ELF2: variants seen among roughly 807,000 people sequenced by gnomAD.
The protein encoded by ELF2 is E74 like ETS transcription factor 2.
ELF2 carries 11 observed loss-of-function variants against 54.8 expected under a neutral mutation model. The ratio of observed to expected loss-of-function variants is 0.20; its 90% CI spans 0.13 to 0.33. ELF2 has a LOEUF of 0.33. Among genes scored for constraint, ELF2 ranks in the 10% least tolerant of loss-of-function variants. The pLI is 1.00. For missense variants in ELF2, 513 were observed against 703.0 expected (o/e 0.73, Z 3.06); for synonymous variants, 203 against 245.1 (o/e 0.83, Z 1.61).
intron 7 of ELF2, among the ~76,000 whole-genome samples, chr4:139,062,836 T>C (rs1356553302): frequency 6.6e-6 from 1 of 152,222 alleles, no homozygotes; most frequent in Non-Finnish European, 1.5e-5. Flanking sequence ...TTACTTTTCT[T>C]TGATTCACCT....
At chr4:139,136,918 G>A (rs1738233289) in intron 3 of ELF2, 1 of 152,140 alleles carries the variant, frequency 6.6e-6, no homozygotes, top group Non-Finnish European at 1.5e-5. Context: ...GCCCACCTGG[G>A]CCTCCCAAAG....
chr4:139,076,891 G>A (rs914542437), intron 4 of ELF2, among the ~76,000 whole-genome samples: 2 of 151,812 alleles, frequency 1.3e-5, no homozygotes, highest in Non-Finnish European at 2.9e-5. Flanking sequence ...TTATATCTCA[G>A]AAATATTTTA....
chr4:139,127,810 C>T (rs188682413), intron 3 of ELF2, among the ~76,000 whole-genome samples: 16 of 151,946 alleles, frequency 1.1e-4, no homozygotes, highest in Admixed American at 2.0e-4. Context: ...ACTAAAAATA[C>T]GAAAATTAGC....
intron 1 of ELF2, among the ~76,000 whole-genome samples, chr4:139,143,630 C>CA (rs758074917): frequency 1.8e-4 from 28 of 152,122 alleles, no homozygotes; most frequent in Non-Finnish European, 3.5e-4. Context: ...ACTAAAAATA[C>CA]AAAAAATAGC....
intron 3 of ELF2, among the ~76,000 whole-genome samples, chr4:139,126,433 T>G (rs887202815): frequency 2.6e-5 from 4 of 151,606 alleles, no homozygotes; most frequent in African/African-American, 9.7e-5. Context: ...TCAATAAAAT[T>G]TTCTAAGACT....
chr4:139,165,667 A>T (rs7687081), intron 1 of ELF2, among the ~76,000 whole-genome samples: 14,158 of 152,184 alleles, frequency 0.093, 935 homozygotes, highest in African/African-American at 0.19. Context: ...CGTCTTAAAA[A>T]AATAAAAAAT....
At chr4:139,076,311 T>C (rs2148708351) in intron 4 of ELF2, among the ~76,000 whole-genome samples, 1 of 152,294 alleles carries the variant, frequency 6.6e-6, no homozygotes, top group South Asian at 2.1e-4. Context: ...GCAGCTTCAC[T>C]GAAGCAAAGG....
intron 4 of ELF2, among the ~76,000 whole-genome samples, chr4:139,118,699 A>G (rs181494683): frequency 6.0e-4 from 91 of 151,540 alleles, no homozygotes; most frequent in Admixed American, 4.3e-3. Flanking sequence ...TTTTTTTTTA[A>G]GTGGAAGCAA....
chr4:139,130,986 G>GA (rs1424292112), intron 3 of ELF2, among the ~76,000 whole-genome samples: 6 of 152,150 alleles, frequency 3.9e-5, no homozygotes, highest in African/African-American at 1.4e-4. Context: ...GGAGAAAGGG[G>GA]ATGGAAGAGA....
chr4:139,081,473 T>C (rs1194299227), intron 4 of ELF2, among the ~76,000 whole-genome samples: 1 of 152,208 alleles, frequency 6.6e-6, no homozygotes, highest in Non-Finnish European at 1.5e-5. Context: ...AGAAGTTGTA[T>C]AAATATCATT....
chr4:139,082,617 G>T (rs1471489805), intron 4 of ELF2, among the ~76,000 whole-genome samples: 1 of 152,160 alleles, frequency 6.6e-6, no homozygotes, highest in Non-Finnish European at 1.5e-5. Flanking sequence ...ATGTGTTCAT[G>T]ATTTCCCCCA....
rs1316740402 is a variant in ELF2 at position 139,132,875 on chromosome 4, A to T, written c.72+4755T>A. On this transcript the variant is annotated intron_variant, in intron 3 of 9. Coordinates refer to ENST00000686138, the MANE Select transcript of ELF2 (RefSeq NM_001331036.3). ...ATATATATATATATATATATATATA[A>T]AATATGTAATTTTTTTTTTTGGTGG... Among the ~76,000 whole-genome samples the T allele has an allele frequency of 1.4e-4, 17 of 123,676 alleles. No homozygotes were observed. The East Asian group carries it at 4.0e-3, about 29-fold the overall frequency. 81.1% of individuals were successfully genotyped at this position (123,676 alleles called of 152,430 possible).
chr4:139,090,689 G>A (rs371329773), intron 4 of ELF2, among the ~76,000 whole-genome samples: 5 of 152,104 alleles, frequency 3.3e-5, no homozygotes, highest in African/African-American at 1.2e-4. Flanking sequence ...CCGCCTCCCA[G>A]GCTCAAACGA....
rs2148654039 is a variant in ELF2 at position 139,058,334 on chromosome 4, G to A, written c.*649C>T. 6.6e-6 allele frequency: 1 copy of A among 150,524 alleles called. No individual in the cohort carries two copies. Among genetic ancestry groups the A allele is most frequent in the South Asian group, 2.1e-4 (1 of 4,784 alleles). 9.3% of individuals were successfully genotyped at this position (150,524 alleles called of 1,614,324 possible). A position where few individuals can be genotyped will look rare whatever the true frequency, so the allele number is the denominator to read the frequency against. ...CAAACAAGCCATTAGCTTATTTCAA[G>A]AAAGAAAATCGAAAATTAGTCTAAG... On this transcript the variant is annotated 3_prime_UTR_variant, in exon 10 of 10. Coordinates refer to ENST00000686138, the MANE Select transcript of ELF2 (RefSeq NM_001331036.3).
intron 4 of ELF2, among the ~76,000 whole-genome samples, chr4:139,083,007 ACATT>A (rs1731351259): frequency 6.6e-6 from 1 of 152,092 alleles, no homozygotes; most frequent in African/African-American, 2.4e-5. Flanking sequence ...TTCCATGCGT[ACATT>A]GTCAGCTTCA....
intron 4 of ELF2, among the ~76,000 whole-genome samples, chr4:139,093,066 C>T (rs1732852635): frequency 1.3e-5 from 2 of 150,806 alleles, no homozygotes; most frequent in South Asian, 2.1e-4. Context: ...CCCGGGTTCA[C>T]GCCATCCTCC....
At chr4:139,158,931 G>C (rs775645845) in intron 1 of ELF2, among the ~76,000 whole-genome samples, 1 of 152,080 alleles carries the variant, frequency 6.6e-6, no homozygotes, top group Non-Finnish European at 1.5e-5. Flanking sequence ...ATTGAGGACC[G>C]TAAGAGGTAC....
chr4:139,162,008 C>T (rs990951579), intron 1 of ELF2, among the ~76,000 whole-genome samples: 6 of 152,004 alleles, frequency 3.9e-5, no homozygotes, highest in South Asian at 2.1e-4. Flanking sequence ...GCAGGAGAAT[C>T]GCTTGAACCC....
chr4:139,139,445 A>G lies in ELF2; in HGVS notation c.-199T>C, dbSNP rs1031800950. 1.2e-5 allele frequency: 15 copies of G among 1,230,146 alleles called. No homozygotes were observed. The African/African-American group carries it at 2.0e-4, about 17-fold the overall frequency. The allele number at this position is 1,230,146 out of a possible 1,614,324, so 76.2% of individuals were successfully genotyped here. On this transcript the variant is annotated 5_prime_UTR_variant, in exon 2 of 10. Transcript: ENST00000686138. ...ATGTTAAGTAGTCTAAGCATCCTTC[A>G]CTATTTTCACAACTTGGGAAGAGCT...
Sources: allele counts gnomAD v4.1 joint callset (sites outside exome capture counted in the v4.1 genomes callset), GRCh38; gene constraint gnomAD v4.1.1; transcripts MANE v1.5; gene names NCBI Gene and HGNC (gene_info 2026-07-23, HGNC 2026-07-21).